Variants in FAF1 observed in about 807,000 individuals in gnomAD.
FAF1 encodes the protein Fas associated factor 1.
In FAF1, 25 loss-of-function variants were observed where a neutral mutation model predicts 92.5. The ratio of observed to expected loss-of-function variants is 0.27; its 90% confidence interval spans 0.20 to 0.38. The LOEUF is 0.38. Among genes scored for constraint, FAF1 ranks in the 10% least tolerant of loss-of-function variants. FAF1 has a pLI of 1.00. For synonymous variants in FAF1, 234 were observed against 273.2 expected (o/e 0.86, Z 1.42); for missense variants, 636 against 793.3 (o/e 0.80, Z 2.38).
At chr1:50,643,031 T>C (rs1654416996) in intron 8 of FAF1, among the ~76,000 whole-genome samples, 3 of 152,138 alleles carry the variant, frequency 2.0e-5, no homozygotes, top group Admixed American at 2.0e-4. Context: ...GGTTTCACCA[T>C]GTTGGCCAGG....
intron 4 of FAF1, among the ~76,000 whole-genome samples, chr1:50,785,867 C>T (rs1365445626): frequency 1.3e-5 from 2 of 152,138 alleles, no homozygotes; most frequent in South Asian, 2.1e-4. Flanking sequence ...GTGACTCATG[C>T]CTATAATCCC....
chr1:50,584,772 C>G lies in FAF1; in HGVS notation c.880G>C (p.Asp294His). The part of the protein sequence containing the change: ...DVHMVSDSDG[D>H]DFEDATEFGV... ...AATTCTGTAGCATCTTCAAAGTCAT[C>G]TCCATCGCTATCACTAACCATATGA... is the stretch of plus-strand genomic sequence containing the variant. The change falls in exon 10 of 19, where the codon GAT becomes CAT. Residue 294 changes from aspartate to histidine, a missense_variant. Coordinates refer to ENST00000396153, the MANE Select transcript of FAF1 (RefSeq NM_007051.3). 6.2e-7 allele frequency: 1 copy of G among 1,613,602 alleles called. No homozygotes were observed. The highest frequency in any genetic ancestry group is 1.1e-5 in the South Asian group (1 of 91,068).
chr1:50,466,053 G>A (rs1389552929), intron 18 of FAF1, among the ~76,000 whole-genome samples: 3 of 152,098 alleles, frequency 2.0e-5, no homozygotes, highest in Non-Finnish European at 4.4e-5. Context: ...AAAAAAAATC[G>A]CTGTCTTTTT....
At chr1:50,654,553 T>C (rs527471445) in intron 8 of FAF1, among the ~76,000 whole-genome samples, 45 of 152,218 alleles carry the variant, frequency 3.0e-4, no homozygotes, top group African/African-American at 1.0e-3. Context: ...CATTATAAAA[T>C]ATATAATAAG....
At chr1:50,831,914 A>G (rs886320617) in intron 2 of FAF1, among the ~76,000 whole-genome samples, 1 of 152,036 alleles carries the variant, frequency 6.6e-6, no homozygotes, top group Non-Finnish European at 1.5e-5. Flanking sequence ...GCCTCTCGTC[A>G]GATGAGCAGG....
intron 17 of FAF1, among the ~76,000 whole-genome samples, chr1:50,483,206 AT>A (rs572362791): frequency 1.9e-3 from 290 of 151,894 alleles, no homozygotes; most frequent in African/African-American, 5.8e-3. Context: ...TTTCTATGGG[AT>A]TTTTTTTGGA....
At chr1:50,755,306 T>C (rs1052959319) in intron 4 of FAF1, among the ~76,000 whole-genome samples, 1 of 152,196 alleles carries the variant, frequency 6.6e-6, no homozygotes, top group Non-Finnish European at 1.5e-5. Context: ...AAAGGCTCCA[T>C]GAAAGTCCAA....
intron 2 of FAF1, among the ~76,000 whole-genome samples, chr1:50,804,503 A>G (rs1662114872): frequency 6.6e-6 from 1 of 152,176 alleles, no homozygotes; most frequent in African/African-American, 2.4e-5. Context: ...AAGAAACTAT[A>G]AGGAGCTATT....
intron 8 of FAF1, among the ~76,000 whole-genome samples, chr1:50,606,046 A>T (rs1652368360): frequency 6.6e-6 from 1 of 152,214 alleles, no homozygotes; most frequent in Non-Finnish European, 1.5e-5. Context: ...CAATAAAGAG[A>T]TAAGTGAAAA....
intron 4 of FAF1, among the ~76,000 whole-genome samples, chr1:50,783,894 T>C (rs1661270869): frequency 6.6e-6 from 1 of 151,824 alleles, no homozygotes; most frequent in Admixed American, 6.6e-5. Context: ...AACAACAACA[T>C]ATGAAAATCA....
chr1:50,707,966 C>A (rs905269119), intron 6 of FAF1, among the ~76,000 whole-genome samples: 2 of 152,128 alleles, frequency 1.3e-5, no homozygotes, highest in Non-Finnish European at 2.9e-5. Flanking sequence ...TGCGCCACCA[C>A]GCCCAGTTAA....
intron 12 of FAF1, 167 bp downstream of exon 12, chr1:50,582,451 A>T (rs555135781): frequency 1.8e-6 from 1 of 559,220 alleles, no homozygotes; most frequent in Admixed American, 3.0e-5. Flanking sequence ...TTATACAGAG[A>T]TGATTAGCAT....
At chr1:50,729,780 T>A (rs1174114987) in intron 6 of FAF1, among the ~76,000 whole-genome samples, 2 of 151,694 alleles carry the variant, frequency 1.3e-5, no homozygotes, top group Non-Finnish European at 2.9e-5. Flanking sequence ...CCCAGCACTT[T>A]GGGAGGCTGA....
At position 50,491,818 on chromosome 1, in the gene FAF1, C is replaced by T; in HGVS notation, c.1495-17G>A. 1 of 1,581,344 alleles carries T rather than the reference C, an allele frequency of 6.3e-7. No homozygotes were observed. Among genetic ancestry groups the T allele is most frequent in the Non-Finnish European group, 8.6e-7 (1 of 1,163,212 alleles). On this transcript the variant is annotated splice_polypyrimidine_tract_variant and intron_variant, in intron 15 of 18. Transcript: ENST00000396153. ...ACGTTCATCCTTAAAGAAAAAGATTCAAATATTTTTTGACATATAACTTTT... is the reference window on the plus strand; with the variant it reads ...ACGTTCATCCTTAAAGAAAAAGATTTAAATATTTTTTGACATATAACTTTT...
chr1:50,778,086 T>C (rs961754375), intron 4 of FAF1, among the ~76,000 whole-genome samples: 11 of 152,206 alleles, frequency 7.2e-5, no homozygotes, highest in African/African-American at 2.2e-4. Flanking sequence ...TATTTTCATA[T>C]AATAGAATTC....
intron 3 of FAF1, among the ~76,000 whole-genome samples, chr1:50,792,974 GT>G (rs574515401): frequency 4.7e-4 from 72 of 152,236 alleles, no homozygotes; most frequent in African/African-American, 1.7e-3. Context: ...CTGAGCATGG[GT>G]TTTTTTGTTT....
chr1:50,456,054 G>A (rs1312131237), intron 18 of FAF1, among the ~76,000 whole-genome samples: 1 of 151,996 alleles, frequency 6.6e-6, no homozygotes, highest in Non-Finnish European at 1.5e-5. Flanking sequence ...CAGTTTGGGC[G>A]ACAGAGTGAG....
intron 7 of FAF1, among the ~76,000 whole-genome samples, chr1:50,705,279 A>G (rs756867473): frequency 6.6e-6 from 1 of 152,182 alleles, no homozygotes; most frequent in Admixed American, 6.5e-5. Context: ...GACACTATAA[A>G]TAGACTCTTC....
At chr1:50,487,738 T>G (rs1216464781) in intron 17 of FAF1, among the ~76,000 whole-genome samples, 3 of 152,222 alleles carry the variant, frequency 2.0e-5, no homozygotes, top group Non-Finnish European at 1.5e-5. Context: ...CTAAAGGATC[T>G]TAGAATATTG....
Sources: gnomAD v4.1 joint callset for allele counts (sites outside exome capture counted in the v4.1 genomes callset) on GRCh38, gnomAD v4.1.1 for gene constraint, MANE v1.5 for transcripts, NCBI Gene and HGNC (gene_info 2026-07-23, HGNC 2026-07-21) for gene names.